The following GPC5 variants were observed in gnomAD, a reference collection of about 807,000 sequenced individuals.
GPC5 encodes glypican-5.
A neutral mutation model predicts 53.9 loss-of-function variants in GPC5; 47 were observed. The ratio of observed to expected loss-of-function variants is 0.87; its 90% CI spans 0.69 to 1.11. GPC5 has a LOEUF of 1.11. GPC5 is among the 50% of genes most tolerant of loss of function. The pLI is 0.00. For synonymous variants in GPC5, 286 were observed against 263.3 expected, an observed-to-expected ratio of 1.09 and a Z score of -0.84; for missense variants, 748 against 713.1, an observed-to-expected ratio of 1.05 and a Z score of -0.56.
intron 6 of GPC5, among the ~76,000 whole-genome samples, chr13:92,081,385 AGCCACCGC>A (rs1294774521): frequency 6.6e-6 from 1 of 152,186 alleles, no homozygotes; most frequent in East Asian, 1.9e-4. Context: ...TACAGATTTG[AGCCACCGC>A]GCCTGACCTG....
chr13:92,800,537 C>T lies in GPC5; in HGVS notation c.1562-65745C>T, dbSNP rs529293844. ...CATTCTGAGTGTTACTTTCCACTAA[C>T]GAACCCTGTGAAAATTGGAATTACC... On this transcript the variant is annotated intron_variant, in intron 7 of 7. Coordinates refer to ENST00000377067, the MANE Select transcript of GPC5 (RefSeq NM_004466.6). 2.2e-4 allele frequency among the ~76,000 whole-genome samples: 33 copies of T among 151,966 alleles called. 1 individual carries two copies. In the South Asian group the frequency reaches 3.3e-3, roughly 15 times the overall value.
intron 7 of GPC5, among the ~76,000 whole-genome samples, chr13:92,726,930 T>C (rs1004590669): frequency 2.6e-5 from 4 of 151,536 alleles, no homozygotes; most frequent in African/African-American, 9.7e-5. Flanking sequence ...GTGAGAGCTA[T>C]AATTCCAAAA....
chr13:91,476,863 GAA>G (rs2139199043), intron 2 of GPC5, among the ~76,000 whole-genome samples: 1 of 152,290 alleles, frequency 6.6e-6, no homozygotes, highest in African/African-American at 2.4e-5. Context: ...TGGAAGCAAA[GAA>G]AATGGCTGAA....
rs1016167667 is a variant in GPC5, at chr13:92,404,778, G to A, written c.1561+259789G>A. Among the ~76,000 whole-genome samples, 9 of 149,514 alleles carry A rather than the reference G, an allele frequency of 6.0e-5. 1 individual carries two copies. The highest frequency in any genetic ancestry group is 1.9e-4 in the East Asian group (1 of 5,154). On this transcript the variant is annotated intron_variant, in intron 7 of 7. Coordinates refer to ENST00000377067, the MANE Select transcript of GPC5 (RefSeq NM_004466.6). ...TTTTCTACTAAACCAACGTTTCCCC[G>A]AGATAGCTCAACAGAAGGTGTTTAA...
At chr13:92,771,069 TCA>T (rs1875594352) in intron 7 of GPC5, among the ~76,000 whole-genome samples, 1 of 152,114 alleles carries the variant, frequency 6.6e-6, no homozygotes, top group Non-Finnish European at 1.5e-5. Flanking sequence ...AAGAAATGCC[TCA>T]CATACTGCCG....
At chr13:92,849,442 C>T (rs1403588558) in intron 7 of GPC5, among the ~76,000 whole-genome samples, 8 of 152,196 alleles carry the variant, frequency 5.3e-5, no homozygotes, top group Admixed American at 2.0e-4. Context: ...GCATCACAAT[C>T]TCTCCTGCAC....
chr13:91,628,149 A>G (rs983892847), intron 2 of GPC5, among the ~76,000 whole-genome samples: 2 of 152,162 alleles, frequency 1.3e-5, no homozygotes, highest in Non-Finnish European at 2.9e-5. Context: ...ACCTTACAGT[A>G]TCTACGACTA....
intron 5 of GPC5, among the ~76,000 whole-genome samples, chr13:91,859,831 T>G (rs2039006376): frequency 1.3e-5 from 2 of 152,026 alleles, no homozygotes; most frequent in Non-Finnish European, 2.9e-5. Context: ...ACATATGTAT[T>G]TTTCCAATAT....
At chr13:91,967,418 T>C (rs980859830) in intron 6 of GPC5, among the ~76,000 whole-genome samples, 9 of 152,150 alleles carry the variant, frequency 5.9e-5, no homozygotes, top group African/African-American at 1.9e-4. Flanking sequence ...AAGTAAAATA[T>C]ACTCAGTTAG....
At chr13:91,967,310 T>C (rs893844178) in intron 6 of GPC5, among the ~76,000 whole-genome samples, 8 of 152,190 alleles carry the variant, frequency 5.3e-5, no homozygotes, top group Non-Finnish European at 2.9e-5. Context: ...GGAGCTACAA[T>C]TCAAGATAAG....
intron 2 of GPC5, among the ~76,000 whole-genome samples, chr13:91,666,327 C>A (rs1324633453): frequency 2.0e-5 from 3 of 152,156 alleles, no homozygotes; most frequent in Non-Finnish European, 4.4e-5. Context: ...CTGTGAGACA[C>A]TATTTTAAAA....
intron 7 of GPC5, among the ~76,000 whole-genome samples, chr13:92,631,196 T>C (rs1885223620): frequency 6.6e-6 from 1 of 152,132 alleles, no homozygotes; most frequent in South Asian, 2.1e-4. Context: ...GTCAATGTTA[T>C]TAAAATGTAA....
Position 92,321,424 on chromosome 13 carries a change from T to C in GPC5, c.1561+176435T>C, listed in dbSNP as rs1414801084. On this transcript the variant is annotated intron_variant, in intron 7 of 7. Coordinates refer to ENST00000377067, the MANE Select transcript of GPC5 (RefSeq NM_004466.6). ...CTGGCCAACATCGTGAAACCCTGTC[T>C]GTACTAAAAATACAAAAATAGCTGG... 3.3e-5 allele frequency among the ~76,000 whole-genome samples: 5 copies of C among 152,182 alleles called. No individual in the cohort carries two copies. In the East Asian group the frequency reaches 7.7e-4, roughly 23 times the overall value.
chr13:92,820,114 G>C (rs1456370785), intron 7 of GPC5, among the ~76,000 whole-genome samples: 1 of 152,016 alleles, frequency 6.6e-6, no homozygotes, highest in African/African-American at 2.4e-5. Flanking sequence ...AATTTTGAGA[G>C]ACAAACCAGC....
At chr13:92,311,105 CAAG>C (rs1300254398) in intron 7 of GPC5, among the ~76,000 whole-genome samples, 2 of 151,732 alleles carry the variant, frequency 1.3e-5, no homozygotes, top group Non-Finnish European at 2.9e-5. Context: ...TATGGAAAAA[CAAG>C]AAAAACAAAA....
chr13:92,845,968 T>C (rs182820251), intron 7 of GPC5, among the ~76,000 whole-genome samples: 2 of 152,246 alleles, frequency 1.3e-5, no homozygotes, highest in African/African-American at 4.8e-5. Context: ...TTAAAATGGC[T>C]CTAAGCTTCA....
At chr13:91,408,951 A>C (rs913116670) in intron 1 of GPC5, among the ~76,000 whole-genome samples, 1 of 152,190 alleles carries the variant, frequency 6.6e-6, no homozygotes, top group Non-Finnish European at 1.5e-5. Context: ...ATCTGAGAAG[A>C]GAATTGGTTA....
intron 6 of GPC5, among the ~76,000 whole-genome samples, chr13:92,053,578 T>C (rs1338904278): frequency 6.6e-6 from 1 of 152,174 alleles, no homozygotes; most frequent in African/African-American, 2.4e-5. Context: ...CTATATTTGT[T>C]TTTTGAAATG....
intron 5 of GPC5, among the ~76,000 whole-genome samples, chr13:91,792,923 A>T (rs1310042938): frequency 1.3e-5 from 2 of 151,922 alleles, no homozygotes; most frequent in African/African-American, 2.4e-5. Flanking sequence ...TGGACAGATG[A>T]CCCTGAACAG....
Sources: allele counts gnomAD v4.1 joint callset (sites outside exome capture counted in the v4.1 genomes callset), GRCh38; gene constraint gnomAD v4.1.1; transcripts MANE v1.5; gene names NCBI Gene and HGNC (gene_info 2026-07-23, HGNC 2026-07-21).